The following FRMD4A variants were observed in gnomAD, a reference collection of about 807,000 sequenced individuals.
FRMD4A encodes the protein FERM domain-containing protein 4A.
Under a neutral mutation model 129.1 loss-of-function variants are expected in FRMD4A, and 29 were observed. The ratio of observed to expected loss-of-function variants is 0.22; its 90% CI spans 0.17 to 0.31. FRMD4A has a LOEUF of 0.31. FRMD4A is among the 10% of genes least tolerant of loss of function. FRMD4A has a pLI of 1.00. For missense variants in FRMD4A, 1,272 were observed against 1,375.8 expected (o/e 0.92, Z 1.19); for synonymous variants, 634 against 571.6 (o/e 1.11, Z -1.56).
chr10:13,753,230 C>G (rs2091710110), intron 8 of FRMD4A, among the ~76,000 whole-genome samples: 1 of 152,160 alleles, frequency 6.6e-6, no homozygotes, highest in Admixed American at 6.5e-5. Flanking sequence ...CAAGGTGAAG[C>G]TGAGGTTACA....
intron 2 of FRMD4A, among the ~76,000 whole-genome samples, chr10:14,076,387 T>C (rs1835603592): frequency 6.6e-6 from 1 of 152,134 alleles, no homozygotes; most frequent in Non-Finnish European, 1.5e-5. Context: ...ATGCATGTAA[T>C]CCCAGCACTT....
At chr10:13,949,301 C>CAAAAAAAAAAAA (rs34006963) in intron 2 of FRMD4A, among the ~76,000 whole-genome samples, 1 of 98,930 alleles carries the variant, frequency 1.0e-5, no homozygotes, top group African/African-American at 4.8e-5. Context: ...TTCTAGTGAT[C>CAAAAAAAAAAAA]AAAAAAAAAA....
At chr10:13,811,238 C>T (rs1366791470) in intron 3 of FRMD4A, among the ~76,000 whole-genome samples, 1 of 148,038 alleles carries the variant, frequency 6.8e-6, no homozygotes, top group African/African-American at 2.5e-5. Flanking sequence ...CGGGTTCAAG[C>T]GATTCTCATG....
intron 2 of FRMD4A, among the ~76,000 whole-genome samples, chr10:14,161,655 C>T (rs1017143920): frequency 1.3e-5 from 2 of 152,014 alleles, no homozygotes; most frequent in African/African-American, 4.8e-5. Flanking sequence ...TTACCAGAGG[C>T]TTGGAGAGGT....
intron 2 of FRMD4A, among the ~76,000 whole-genome samples, chr10:14,073,827 T>C (rs1241038401): frequency 1.3e-5 from 2 of 152,242 alleles, no homozygotes; most frequent in East Asian, 3.9e-4. Context: ...TCCTTTTAAA[T>C]TTTGCATAGG....
chr10:14,154,103 G>C (rs1467440357), intron 2 of FRMD4A, among the ~76,000 whole-genome samples: 1 of 152,182 alleles, frequency 6.6e-6, no homozygotes, highest in Non-Finnish European at 1.5e-5. Flanking sequence ...TGACTGGAAA[G>C]TATCTGGCAG....
intron 1 of FRMD4A, 43 bp from the exon 2 acceptor site, chr10:14,330,226 G>T (rs137937536): frequency 2.3e-5 from 22 of 953,934 alleles, no homozygotes; most frequent in African/African-American, 1.8e-4. Context: ...GGAGCAAAAG[G>T]CTCAAGGGGA....
intron 2 of FRMD4A, among the ~76,000 whole-genome samples, chr10:14,017,292 T>C (rs569633857): frequency 6.6e-6 from 1 of 152,226 alleles, no homozygotes; most frequent in Non-Finnish European, 1.5e-5. Context: ...CCCGTTTTCA[T>C]GTGCTGTCAG....
At chr10:14,327,828 T>C (rs530208728) in intron 2 of FRMD4A, among the ~76,000 whole-genome samples, 2 of 152,322 alleles carry the variant, frequency 1.3e-5, no homozygotes, top group East Asian at 3.9e-4. Context: ...CTTTCCTCAG[T>C]GAGCAGACAC....
chr10:13,722,076 C>T (rs1474292735), intron 12 of FRMD4A, among the ~76,000 whole-genome samples: 1 of 152,106 alleles, frequency 6.6e-6, no homozygotes, highest in Non-Finnish European at 1.5e-5. Context: ...AGGGACCCCA[C>T]GCAGTGCAGC....
At chr10:13,750,664 G>A (rs1038026587) in intron 8 of FRMD4A, among the ~76,000 whole-genome samples, 1 of 152,204 alleles carries the variant, frequency 6.6e-6, no homozygotes, top group South Asian at 2.1e-4. Context: ...AGAGTAAGAG[G>A]AATGTCAGGG....
chr10:13,729,384 G>C (rs757338162), intron 12 of FRMD4A: 1 of 152,240 alleles, frequency 6.6e-6, no homozygotes, highest in Non-Finnish European at 1.5e-5. Flanking sequence ...AGGAGAAAGC[G>C]AGCCAAGGCA....
chr10:13,944,140 C>T (rs1022920717), intron 2 of FRMD4A, among the ~76,000 whole-genome samples: 1 of 152,212 alleles, frequency 6.6e-6, no homozygotes, highest in African/African-American at 2.4e-5. Flanking sequence ...TCCCCAACCC[C>T]TGGGCCACAG....
chr10:13,706,887 C>A, intron 13 of FRMD4A, 150 bp downstream of exon 13: 1 of 593,096 alleles, frequency 1.7e-6, no homozygotes, highest in Non-Finnish European at 3.1e-6. Context: ...GAAAGTTTCA[C>A]TGTCTGATTT....
chr10:13,958,696 C>A (rs2095426790), intron 2 of FRMD4A, among the ~76,000 whole-genome samples: 1 of 152,020 alleles, frequency 6.6e-6, no homozygotes, highest in African/African-American at 2.4e-5. Context: ...AGCGATTCTC[C>A]TGCCTCAGCC....
rs79764389 is a variant in FRMD4A at position 14,099,543 on chromosome 10, A to G, written c.45+230515T>C. 7.9e-4 allele frequency among the ~76,000 whole-genome samples: 120 copies of G among 152,202 alleles called. 1 individual carries two copies. The East Asian group carries it at 0.021, about 26-fold the overall frequency. On this transcript the variant is annotated intron_variant, in intron 2 of 24. Transcript: ENST00000357447. ...ACAATCAGCCCTGCAGAACTCCTAT[A>G]CGAAAGTTGGCCCTGTTTATATGTA...
At chr10:13,898,866 T>A (rs1267977057) in intron 2 of FRMD4A, among the ~76,000 whole-genome samples, 1 of 152,168 alleles carries the variant, frequency 6.6e-6, no homozygotes, top group Non-Finnish European at 1.5e-5. Context: ...AAGCCTCTTA[T>A]TGAAGCTGTT....
At chr10:13,664,854 T>G (rs967679985) in intron 18 of FRMD4A, among the ~76,000 whole-genome samples, 1 of 151,990 alleles carries the variant, frequency 6.6e-6, no homozygotes, top group Non-Finnish European at 1.5e-5. Context: ...GGACTATAGG[T>G]GCATGCCAAC....
chr10:14,161,292 A>G (rs1478201814), intron 2 of FRMD4A, among the ~76,000 whole-genome samples: 1 of 152,206 alleles, frequency 6.6e-6, no homozygotes, highest in Admixed American at 6.5e-5. Context: ...TAGAGCTACC[A>G]TACAATCCAA....
Sources: gnomAD v4.1 joint callset for allele counts (sites outside exome capture counted in the v4.1 genomes callset) on GRCh38, gnomAD v4.1.1 for gene constraint, MANE v1.5 for transcripts, NCBI Gene and HGNC (gene_info 2026-07-23, HGNC 2026-07-21) for gene names.